CLVS1: variants seen among roughly 807,000 people sequenced by gnomAD.
CLVS1 encodes the protein clavesin 1.
Under a neutral mutation model 33.1 loss-of-function variants are expected in CLVS1, and 10 were observed. The observed-to-expected ratio is 0.30, with a 90% CI of 0.19 to 0.51. The LOEUF is 0.51. CLVS1 is among the 20% of genes least tolerant of loss of function. The pLI, the probability that CLVS1 is intolerant of heterozygous loss-of-function variation, is 0.97. For synonymous variants in CLVS1, 163 were observed against 166.1 expected (o/e 0.98, Z 0.14); for missense variants, 343 against 433.4 (o/e 0.79, Z 1.85).
chr8:61,098,918 C>T (rs1277676269), intron 1 of CLVS1, among the ~76,000 whole-genome samples: 1 of 152,114 alleles, frequency 6.6e-6, no homozygotes, highest in African/African-American at 2.4e-5. Flanking sequence ...AATGTAAAGC[C>T]TATGCTCTTT....
rs374001924 is a variant in CLVS1 at position 61,324,764 on chromosome 8, G to T, written c.455+24482G>T. 2.0e-5 allele frequency among the ~76,000 whole-genome samples: 3 copies of T among 152,110 alleles called. No homozygotes were observed. The South Asian group carries it at 6.2e-4, about 32-fold the overall frequency. ...GGAATGGATATTGCTGGGTTGAATT[G>T]TATTTCTGCCTCTAGGTCTTTGAGA... On this transcript the variant is annotated intron_variant, in intron 2 of 5. Transcript: ENST00000325897.
chr8:61,490,529 G>A lies in CLVS1; in HGVS notation c.978-8926G>A, dbSNP rs531376722. 5.9e-5 allele frequency among the ~76,000 whole-genome samples: 9 copies of A among 151,666 alleles called. No homozygotes were observed. The East Asian group carries it at 1.2e-3, about 20-fold the overall frequency. ...TAAAAATACAAAAAATTAGCTGAGC[G>A]TGGTAGCGCATGCCTGTAGTCCCAG... On this transcript the variant is annotated intron_variant, in intron 5 of 5. Coordinates refer to ENST00000325897, the MANE Select transcript of CLVS1 (RefSeq NM_173519.3).
chr8:61,261,316 A>T (rs16927117), intron 2 of CLVS1, among the ~76,000 whole-genome samples: 3 of 152,122 alleles, frequency 2.0e-5, no homozygotes, highest in African/African-American at 7.2e-5. Context: ...ATTATTTTAT[A>T]ATCTCAAATG....
At chr8:61,273,144 G>A (rs1211458483) in intron 2 of CLVS1, among the ~76,000 whole-genome samples, 1 of 148,928 alleles carries the variant, frequency 6.7e-6, no homozygotes, top group East Asian at 2.0e-4. Flanking sequence ...GGTCTTTGAT[G>A]ATGGTGATGT....
At chr8:61,247,337 G>T (rs1004422964) in intron 2 of CLVS1, among the ~76,000 whole-genome samples, 1 of 152,064 alleles carries the variant, frequency 6.6e-6, no homozygotes, top group Admixed American at 6.5e-5. Flanking sequence ...TGTGTCAAAT[G>T]GTAGTTCTGC....
chr8:61,148,742 G>A (rs2129294403), intron 2 of CLVS1, among the ~76,000 whole-genome samples: 1 of 152,264 alleles, frequency 6.6e-6, no homozygotes, highest in Admixed American at 6.5e-5. Flanking sequence ...TTTGAAGAGT[G>A]CATTTTCAGA....
intron 3 of CLVS1, among the ~76,000 whole-genome samples, chr8:61,432,653 GT>G (rs1816157132): frequency 6.6e-6 from 1 of 152,140 alleles, no homozygotes; most frequent in Non-Finnish European, 1.5e-5. Flanking sequence ...CGAGTCTGTG[GT>G]ACTTTCTTAT....
intron 3 of CLVS1, among the ~76,000 whole-genome samples, chr8:61,395,882 G>T: frequency 6.6e-6 from 1 of 152,176 alleles, no homozygotes; most frequent in East Asian, 1.9e-4. Flanking sequence ...GGGTTTTCAA[G>T]GTAAGATATT....
intron 5 of CLVS1, among the ~76,000 whole-genome samples, chr8:61,472,845 A>T (rs1337556018): frequency 6.6e-6 from 1 of 152,110 alleles, no homozygotes; most frequent in East Asian, 1.9e-4. Flanking sequence ...TAATAGATCT[A>T]CCTTATTATT....
chr8:61,297,675 GA>G (rs895797791), intron 1 of CLVS1, among the ~76,000 whole-genome samples: 2 of 152,174 alleles, frequency 1.3e-5, no homozygotes, highest in African/African-American at 4.8e-5. Context: ...AGGAGCTACG[GA>G]CTGATGTTGT....
the CLVS1 span, among the ~76,000 whole-genome samples, chr8:61,031,602 A>G: frequency 6.6e-6 from 1 of 152,226 alleles, no homozygotes; most frequent in Non-Finnish European, 1.5e-5. Context: ...TTATTCCTTC[A>G]TTATTCTCTG....
At chr8:61,447,608 A>G (rs1009050604) in intron 3 of CLVS1, among the ~76,000 whole-genome samples, 1 of 151,736 alleles carries the variant, frequency 6.6e-6, no homozygotes, top group African/African-American at 2.4e-5. Flanking sequence ...ATAGTCTTTT[A>G]TGTTGTCATT....
chr8:61,373,445 GT>G (rs113010973), intron 2 of CLVS1, among the ~76,000 whole-genome samples: 2,261 of 152,282 alleles, frequency 0.015, 47 homozygotes, highest in African/African-American at 0.051. Context: ...TGCAATAAAG[GT>G]TGTGGTCTCC....
chr8:61,144,134 G>C (rs1055077851), intron 2 of CLVS1, among the ~76,000 whole-genome samples: 1 of 151,806 alleles, frequency 6.6e-6, no homozygotes, highest in African/African-American at 2.4e-5. Flanking sequence ...ACATCCCATG[G>C]TGGTTTGCTG....
the CLVS1 span, among the ~76,000 whole-genome samples, chr8:61,002,333 T>TG: frequency 6.7e-6 from 1 of 148,532 alleles, no homozygotes; most frequent in African/African-American, 2.5e-5. Context: ...GCTTGTTTTT[T>TG]TTTTTTTTTT....
the CLVS1 span, among the ~76,000 whole-genome samples, chr8:60,992,011 G>T: frequency 6.6e-6 from 1 of 152,156 alleles, no homozygotes; most frequent in Admixed American, 6.5e-5. Flanking sequence ...GCCTCCCAAG[G>T]TGCTGGGATT....
chr8:61,038,116 C>T, the CLVS1 span, among the ~76,000 whole-genome samples: 2 of 152,172 alleles, frequency 1.3e-5, no homozygotes, highest in Non-Finnish European at 2.9e-5. Flanking sequence ...CTGAGTGTGA[C>T]TTGAGCTCCT....
chr8:61,230,036 T>G (rs557472952), intron 2 of CLVS1, among the ~76,000 whole-genome samples: 2 of 152,314 alleles, frequency 1.3e-5, no homozygotes, highest in African/African-American at 4.8e-5. Flanking sequence ...CTCTAAGATC[T>G]GAGAAGCTCT....
chr8:61,254,610 T>G (rs1283148518), intron 2 of CLVS1, among the ~76,000 whole-genome samples: 1 of 152,244 alleles, frequency 6.6e-6, no homozygotes, highest in East Asian at 1.9e-4. Flanking sequence ...TACTCAAGCC[T>G]CAGCAATGGC....
Sources: gnomAD v4.1 joint callset for allele counts (sites outside exome capture counted in the v4.1 genomes callset) on GRCh38, gnomAD v4.1.1 for gene constraint, MANE v1.5 for transcripts, NCBI Gene and HGNC (gene_info 2026-07-23, HGNC 2026-07-21) for gene names.